Variants in CSMD1 observed in about 807,000 individuals in gnomAD.
CSMD1 encodes CUB and Sushi multiple domains 1.
CSMD1 carries 213 observed loss-of-function variants against 417.5 expected under a neutral mutation model. That is an observed-to-expected ratio of 0.51 (90% CI 0.46 to 0.57). The LOEUF (loss-of-function observed/expected upper bound fraction) is 0.57. CSMD1 is among the 20% of genes least tolerant of loss of function. The pLI, the probability that CSMD1 is intolerant of heterozygous loss-of-function variation, is 0.00. For synonymous variants in CSMD1, 2,862 were observed against 1,736.8 expected, an observed-to-expected ratio of 1.65 and a Z score of -16.11; for missense variants, 6,923 against 4,529.7, an observed-to-expected ratio of 1.53 and a Z score of -15.17.
At chr8:4,590,724 G>A (rs1054012440) in intron 2 of CSMD1, among the ~76,000 whole-genome samples, 1 of 152,070 alleles carries the variant, frequency 6.6e-6, no homozygotes, top group Non-Finnish European at 1.5e-5. Flanking sequence ...TTTGTTGTTT[G>A]TTGCTTTTAT....
chr8:3,654,719 C>A (rs1798018752), intron 7 of CSMD1, among the ~76,000 whole-genome samples: 1 of 152,202 alleles, frequency 6.6e-6, no homozygotes, highest in South Asian at 2.1e-4. Context: ...ACACATTGGG[C>A]ATCTCTGCAG....
intron 2 of CSMD1, among the ~76,000 whole-genome samples, chr8:4,571,092 A>G (rs1001211159): frequency 5.3e-5 from 8 of 152,102 alleles, no homozygotes; most frequent in Non-Finnish European, 8.8e-5. Context: ...TCAGAATATC[A>G]GCTCCTGGAT....
intron 5 of CSMD1, among the ~76,000 whole-genome samples, chr8:3,835,886 G>A (rs1227091408): frequency 6.6e-6 from 1 of 151,884 alleles, no homozygotes; most frequent in Non-Finnish European, 1.5e-5. Context: ...TTTTTTCCAT[G>A]AAGGCTTTGA....
At chr8:4,461,386 G>C (rs1799807230) in intron 2 of CSMD1, among the ~76,000 whole-genome samples, 1 of 151,114 alleles carries the variant, frequency 6.6e-6, no homozygotes, top group South Asian at 2.1e-4. Context: ...AAATTTAAAG[G>C]CATAAAGATA....
At chr8:4,396,178 T>A (rs989381723) in intron 3 of CSMD1, among the ~76,000 whole-genome samples, 1 of 152,050 alleles carries the variant, frequency 6.6e-6, no homozygotes, top group Non-Finnish European at 1.5e-5. Flanking sequence ...AAGAATAACA[T>A]TTCCAGTTGG....
intron 5 of CSMD1, among the ~76,000 whole-genome samples, chr8:3,991,793 G>C (rs1258940865): frequency 6.6e-6 from 1 of 152,138 alleles, no homozygotes; most frequent in Non-Finnish European, 1.5e-5. Flanking sequence ...CCTTGGGACT[G>C]TCTCTCTTCA....
intron 1 of CSMD1, among the ~76,000 whole-genome samples, chr8:4,828,843 C>A (rs1000210429): frequency 2.0e-5 from 3 of 152,164 alleles, no homozygotes; most frequent in South Asian, 2.1e-4. Context: ...TAGCTCAATA[C>A]TGCCCACAGA....
At chr8:3,583,944 G>C (rs887064224) in intron 9 of CSMD1, among the ~76,000 whole-genome samples, 2 of 151,598 alleles carry the variant, frequency 1.3e-5, no homozygotes, top group African/African-American at 2.4e-5. Context: ...CCAAGATGGA[G>C]AAACGATTAT....
At chr8:4,411,077 ACCCAAGGCC>A (rs145266303) in intron 3 of CSMD1, among the ~76,000 whole-genome samples, 1 of 152,086 alleles carries the variant, frequency 6.6e-6, no homozygotes, top group African/African-American at 2.4e-5. Flanking sequence ...TTATGAGGAA[ACCCAAGGCC>A]CCCTCCACGT....
chr8:4,638,904 G>C (rs998766848), intron 1 of CSMD1, among the ~76,000 whole-genome samples: 2 of 152,158 alleles, frequency 1.3e-5, no homozygotes, highest in African/African-American at 4.8e-5. Flanking sequence ...TTCTAACAAA[G>C]CACTTCTCAG....
At chr8:4,978,887 G>T (rs891364416) in intron 1 of CSMD1, among the ~76,000 whole-genome samples, 7 of 152,146 alleles carry the variant, frequency 4.6e-5, no homozygotes, top group African/African-American at 1.7e-4. Context: ...GCAGTGAGCT[G>T]AGATTGTGCC....
intron 5 of CSMD1, among the ~76,000 whole-genome samples, chr8:3,960,734 T>C (rs901774964): frequency 6.6e-6 from 1 of 151,930 alleles, no homozygotes; most frequent in Admixed American, 6.6e-5. Flanking sequence ...ATTTAATTCA[T>C]TTTTATAATT....
intron 3 of CSMD1, among the ~76,000 whole-genome samples, chr8:4,189,429 A>G (rs984294303): frequency 3.3e-5 from 5 of 152,232 alleles, no homozygotes; most frequent in African/African-American, 1.2e-4. Context: ...AAATAAGAAA[A>G]AAACAGTAGT....
At chr8:4,296,768 A>C (rs1373433886) in intron 3 of CSMD1, among the ~76,000 whole-genome samples, 1 of 148,294 alleles carries the variant, frequency 6.7e-6, no homozygotes, top group Non-Finnish European at 1.5e-5. Context: ...TGATTTCTAA[A>C]TAATAGCTTT....
chr8:4,693,731 C>A (rs2116777074), intron 1 of CSMD1, among the ~76,000 whole-genome samples: 1 of 152,358 alleles, frequency 6.6e-6, no homozygotes, highest in East Asian at 1.9e-4. Flanking sequence ...ACTGACTATT[C>A]ATAGATGTGA....
chr8:3,262,501 C>A (rs952975864), intron 26 of CSMD1, among the ~76,000 whole-genome samples: 24 of 150,840 alleles, frequency 1.6e-4, no homozygotes, highest in African/African-American at 2.4e-5. Context: ...TACTGTTTAT[C>A]CAAGAGGCGC....
intron 49 of CSMD1, among the ~76,000 whole-genome samples, chr8:3,057,512 A>T (rs1015378740): frequency 2.0e-5 from 3 of 152,088 alleles, no homozygotes; most frequent in African/African-American, 7.2e-5. Context: ...CTGAGAAAAC[A>T]TATATAAGTA....
At chr8:3,779,204 G>A (rs1376769180) in intron 5 of CSMD1, among the ~76,000 whole-genome samples, 1 of 151,864 alleles carries the variant, frequency 6.6e-6, no homozygotes, top group Non-Finnish European at 1.5e-5. Flanking sequence ...ATTTGAGAGG[G>A]TGAATAAGAC....
rs563824878 is a variant in CSMD1, at chr8:3,893,547, G to C, written c.818+104356C>G. Among the ~76,000 whole-genome samples, 157 of 151,524 alleles carry C rather than the reference G, an allele frequency of 1.0e-3. 2 individuals carry two copies. Among genetic ancestry groups the C allele is most frequent in the African/African-American group, 1.1e-3 (45 of 41,364 alleles). ...AATTTATAAATATTATGAAACCAAA[G>C]GCAAACGCCACTGCTCTACTTCCTC... is the stretch of plus-strand genomic sequence containing the variant. On this transcript the variant is annotated intron_variant, in intron 5 of 69. Coordinates refer to ENST00000635120, the MANE Select transcript of CSMD1 (RefSeq NM_033225.6).
Sources: gnomAD v4.1 joint callset for allele counts (sites outside exome capture counted in the v4.1 genomes callset) on GRCh38, gnomAD v4.1.1 for gene constraint, MANE v1.5 for transcripts, NCBI Gene and HGNC (gene_info 2026-07-23, HGNC 2026-07-21) for gene names.